Variants in RXRB observed in about 807,000 individuals in gnomAD.
RXRB encodes retinoic acid receptor RXR-beta.
RXRB carries 18 observed loss-of-function variants against 52.5 expected under a neutral mutation model. The observed-to-expected ratio is 0.34, with a 90% confidence interval of 0.24 to 0.51. The LOEUF (loss-of-function observed/expected upper bound fraction) is 0.51, where lower values mean the gene tolerates loss of function less well. Among genes scored for constraint, RXRB ranks in the 20% least tolerant of loss-of-function variants. The pLI, the probability that RXRB is intolerant of heterozygous loss-of-function variation, is 0.97. For missense variants in RXRB, 455 were observed against 698.2 expected, an observed-to-expected ratio of 0.65 and a Z score of 3.92; for synonymous variants, 233 against 267.1, an observed-to-expected ratio of 0.87 and a Z score of 1.25.
Position 33,193,734 on chromosome 6 carries a change from G to C in RXRB, c.*948C>G, listed in dbSNP as rs913614926. 1 of 152,234 alleles carries C rather than the reference G, an allele frequency of 6.6e-6. No homozygotes were observed. Among genetic ancestry groups the C allele is most frequent in the African/African-American group, 2.4e-5 (1 of 41,446 alleles). The allele number at this position is 152,234 out of a possible 1,614,324, so 9.4% of individuals were successfully genotyped here. On this transcript the variant is annotated 3_prime_UTR_variant, in exon 10 of 10. Coordinates refer to ENST00000374680, the MANE Select transcript of RXRB (RefSeq NM_021976.5). ...CCACCTCCCCTCAATTCTCAGGCCAGGATCCTGTGTCCCCAGCCTATGCTA... is the reference window on the plus strand; with the variant it reads ...CCACCTCCCCTCAATTCTCAGGCCACGATCCTGTGTCCCCAGCCTATGCTA...
rs1192636962 is a variant in RXRB, at chr6:33,197,645, A to C, written c.820+117T>G. 2 of 921,474 alleles carry C rather than the reference A, an allele frequency of 2.2e-6. No homozygotes were observed. Among genetic ancestry groups the C allele is most frequent in the East Asian group, 2.6e-5 (1 of 38,398 alleles). The allele number at this position is 921,474 out of a possible 1,614,324, so 57.1% of individuals were successfully genotyped here. On this transcript the variant is annotated intron_variant, in intron 4 of 9. Transcript: ENST00000374680. The surrounding 1 kb of genome is among the most constrained non-coding windows in gnomAD (Gnocchi z 4.4). ...AGAGCTGCGAAGGGAGAGAGAAATC[A>C]AATATCGCCCTCTAGAGGAGAGAGA...
At position 33,197,993 on chromosome 6, in the gene RXRB, C is replaced by A; in HGVS notation, c.641-52G>T. ...GAAGGTTGCATGGAGACACCTTCACCATTTAGTCTGTTTCCAATCTCCCCC... is the reference window on the plus strand; with the variant it reads ...GAAGGTTGCATGGAGACACCTTCACAATTTAGTCTGTTTCCAATCTCCCCC... On this transcript the variant is annotated intron_variant, in intron 3 of 9. Coordinates refer to ENST00000374680, the MANE Select transcript of RXRB (RefSeq NM_021976.5). The surrounding 1 kb of genome is among the most constrained non-coding windows in gnomAD (Gnocchi z 4.4). 1.3e-6 allele frequency: 2 copies of A among 1,559,900 alleles called. No individual in the cohort carries two copies. The highest frequency in any genetic ancestry group is 1.4e-5 in the African/African-American group (1 of 73,640).
rs1230140759 is a variant in RXRB at position 33,200,382 on chromosome 6, ACCCCACAATGCATTTCTTTTCGCAC to A, written c.70_94del (p.Val24SerfsTer148). 8 of 1,563,146 alleles carry A rather than the reference ACCCCACAATGCATTTCTTTTCGCAC, an allele frequency of 5.1e-6. No individual in the cohort carries two copies. Among genetic ancestry groups the A allele is most frequent in the Admixed American group, 1.9e-5 (1 of 53,142 alleles). On this transcript the variant is annotated frameshift_variant, in exon 1 of 10. Transcript: ENST00000374680. LOFTEE classifies it high-confidence loss of function. The surrounding 1 kb of genome is among the most constrained non-coding windows in gnomAD (Gnocchi z 6.3). ...CCGTCGCCGCCGCCACCGGGACGCG[ACCCCACAATGCATTTCTTTTCGCAC>A]CCCCACCGGCCCACACTGCCCTGCG...
rs1583414344 is a variant in RXRB, at chr6:33,197,699, G to A, written c.820+63C>T. On this transcript the variant is annotated intron_variant, in intron 4 of 9. Coordinates refer to ENST00000374680, the MANE Select transcript of RXRB (RefSeq NM_021976.5). This position sits in a 1 kb window ranked among gnomAD's most constrained non-coding sequence, Gnocchi z 4.4. ...GTCCACCCTTCCAGAGAGGTACACA[G>A]TCTGAGTGGGATAAGGGAGAAGGGC... 52 of 1,507,376 alleles carry A rather than the reference G, an allele frequency of 3.4e-5. 1 individual carries two copies. The South Asian group carries it at 5.7e-4, about 16-fold the overall frequency. The allele number at this position is 1,507,376 out of a possible 1,614,324, so 93.4% of individuals were successfully genotyped here. A position where few individuals can be genotyped will look rare whatever the true frequency, so the allele number is the denominator to read the frequency against.
rs1053819765 is a variant in RXRB at position 33,197,824 on chromosome 6, T to C, written c.758A>G (p.Gln253Arg). Reference protein sequence around the residue: ...DNKDCTVDKRQRNRCQYCRYQ... With the variant: ...DNKDCTVDKRRRNRCQYCRYQ... ...GCGGCAGTACTGACAGCGGTTCCGCTGGCGCTTGTCCACTGTGCAGTCTTT... is the reference window on the plus strand; with the variant it reads ...GCGGCAGTACTGACAGCGGTTCCGCCGGCGCTTGTCCACTGTGCAGTCTTT... Residue 253 changes from glutamine to arginine, a missense_variant, in exon 4 of 10, where the codon CAG becomes CGG. By Grantham distance (43) the Gln-to-Arg change is conservative. Coordinates refer to ENST00000374680, the MANE Select transcript of RXRB (RefSeq NM_021976.5). This position sits in a 1 kb window ranked among gnomAD's most constrained non-coding sequence, Gnocchi z 4.4. The C allele has an allele frequency of 6.2e-7, 1 of 1,613,860 alleles. No homozygotes were observed. The highest frequency in any genetic ancestry group is 8.5e-7 in the Non-Finnish European group (1 of 1,180,048).
In RXRB at chr6:33,194,968, C is replaced by G; in HGVS notation, c.1431G>C (p.Gln477His). ...ACCGTCCCTGCTGCTCAGGGTACTT[C>G]TGTTTGCAGTAGGTCTCCAGTGATG... ...VYASLETYCK[Q>H]KYPEQQGRFA... is the part of the protein sequence containing the mutation. The change falls in exon 9 of 10, where the codon CAG becomes CAC. Residue 477 changes from glutamine (Q) to histidine (H), a missense_variant. By Grantham distance (24) the Gln-to-His change is conservative. Coordinates refer to ENST00000374680, the MANE Select transcript of RXRB (RefSeq NM_021976.5). The surrounding 1 kb of genome is among the most constrained non-coding windows in gnomAD (Gnocchi z 4.1). 6.2e-7 allele frequency: 1 copy of G among 1,612,928 alleles called. No individual in the cohort carries two copies. Among genetic ancestry groups the G allele is most frequent in the Non-Finnish European group, 8.5e-7 (1 of 1,179,996 alleles).
Position 33,195,716 on chromosome 6 carries a change from C to G in RXRB, c.1124-14G>C, listed in dbSNP as rs1347606155. The G allele has an allele frequency of 6.2e-7, 1 of 1,610,404 alleles. No individual in the cohort carries two copies. The highest frequency in any genetic ancestry group is 1.7e-5 in the Admixed American group (1 of 59,890). On this transcript the variant is annotated splice_polypyrimidine_tract_variant and intron_variant, in intron 6 of 9. Transcript: ENST00000374680. The surrounding 1 kb of genome is among the most constrained non-coding windows in gnomAD (Gnocchi z 8.6). ...GTTCATTCCAGCCTGGGTGGGGCAG[C>G]AAGGGTCAGGAGCCAGAAATCAGGC...
Position 33,195,947 on chromosome 6 carries a change from G to A in RXRB, c.1083C>T (p.Ser361=). 6.2e-7 allele frequency: 1 copy of A among 1,613,020 alleles called. No homozygotes were observed. The highest frequency in any genetic ancestry group is 8.5e-7 in the Non-Finnish European group (1 of 1,180,038). ...TGACCTGATCATCCAGAGGCAAGGA[G>A]GAAAAGTGTGGGATCCTCTTCGCCC... is the stretch of plus-strand genomic sequence containing the variant. ...VEWAKRIPHF[S]SLPLDDQVIL... is the part of the protein sequence containing the mutation. The change falls in exon 6 of 10, where the codon TCC becomes TCT. Residue 361 remains serine, a synonymous_variant. Transcript: ENST00000374680. The surrounding 1 kb of genome is among the most constrained non-coding windows in gnomAD (Gnocchi z 8.6).
Position 33,198,933 on chromosome 6 carries a change from A to AAC in RXRB, c.483+234_483+235dup, listed in dbSNP as rs869061993. Among the ~76,000 whole-genome samples, 401 of 128,268 alleles carry AAC rather than the reference A, an allele frequency of 3.1e-3. 4 individuals carry two copies. The highest frequency in any genetic ancestry group is 6.2e-3 in the African/African-American group (200 of 32,022). 84.1% of individuals were successfully genotyped at this position (128,268 alleles called of 152,430 possible). A position where few individuals can be genotyped will look rare whatever the true frequency, so the allele number is the denominator to read the frequency against. ...CATCTCAAAAAAAAAAAAAAAAAAA[A>AAC]ACACACACACACACACAAAAACAAA... On this transcript the variant is annotated intron_variant, in intron 2 of 9. Transcript: ENST00000374680.
At chr6:33,198,254 G>A in intron 3 of RXRB, 54 bp downstream of exon 3, 1 of 1,610,582 alleles carries the variant, frequency 6.2e-7, no homozygotes, top group Non-Finnish European at 8.5e-7. Flanking sequence ...AATCCCACAG[G>A]TGATGATACA....
intron 2 of RXRB, 30 bp downstream of exon 2, chr6:33,199,139 C>T: frequency 7.8e-7 from 1 of 1,287,968 alleles, no homozygotes; most frequent in Admixed American, 3.5e-5. Context: ...ATGAAAGTGG[C>T]CAGGCAGTAA....
chr6:33,195,277 G>T lies in RXRB; in HGVS notation c.1348+86C>A. The T allele has an allele frequency of 1.1e-6, 1 of 911,860 alleles. No individual in the cohort carries two copies. The highest frequency in any genetic ancestry group is 1.8e-6 in the Non-Finnish European group (1 of 546,522). 56.5% of individuals were successfully genotyped at this position (911,860 alleles called of 1,614,324 possible). ...CCAGGTTGAGGGTCTTACTGAGGGG[G>T]ATAGCTGGGTAACTTAGGAGTCTCG... On this transcript the variant is annotated intron_variant, in intron 8 of 9. Coordinates refer to ENST00000374680, the MANE Select transcript of RXRB (RefSeq NM_021976.5). The surrounding 1 kb of genome is among the most constrained non-coding windows in gnomAD (Gnocchi z 8.6).
rs756776201 is a variant in RXRB, at chr6:33,194,967, T to G, written c.1432A>C (p.Lys478Gln). Residue 478 changes from lysine (K) to glutamine (Q), a missense_variant, in exon 9 of 10, where the codon AAG (lysine) becomes CAG (glutamine). Around this residue, in one of 4 missense-constraint regions of RXRB, gnomAD observed 115 missense variants for 253.1 expected, o/e 0.45. Coordinates refer to ENST00000374680, the MANE Select transcript of RXRB (RefSeq NM_021976.5). The surrounding 1 kb of genome is among the most constrained non-coding windows in gnomAD (Gnocchi z 4.1). ...YASLETYCKQ[K>Q]YPEQQGRFAK... Reference sequence around the variant, plus strand: ...CACCGTCCCTGCTGCTCAGGGTACTTCTGTTTGCAGTAGGTCTCCAGTGAT... The same window carrying G: ...CACCGTCCCTGCTGCTCAGGGTACTGCTGTTTGCAGTAGGTCTCCAGTGAT... 37 of 1,612,730 alleles carry G rather than the reference T, an allele frequency of 2.3e-5. No homozygotes were observed. The highest frequency in any genetic ancestry group is 3.1e-5 in the Non-Finnish European group (37 of 1,179,964).
At position 33,194,554 on chromosome 6, in the gene RXRB, G is replaced by T; in HGVS notation, c.*128C>A. 2.1e-6 allele frequency: 2 copies of T among 960,976 alleles called. No individual in the cohort carries two copies. Among genetic ancestry groups the T allele is most frequent in the Non-Finnish European group, 3.0e-6 (2 of 664,476 alleles). The allele number at this position is 960,976 out of a possible 1,614,324, so 59.5% of individuals were successfully genotyped here. A position where few individuals can be genotyped will look rare whatever the true frequency, so the allele number is the denominator to read the frequency against. ...GATCCCTTGGAGGGTTTATGTTCTTGGTTCTGCCCTGTACTTCTCACCCCA... is the reference window on the plus strand; with the variant it reads ...GATCCCTTGGAGGGTTTATGTTCTTTGTTCTGCCCTGTACTTCTCACCCCA... On this transcript the variant is annotated 3_prime_UTR_variant, in exon 10 of 10. Coordinates refer to ENST00000374680, the MANE Select transcript of RXRB (RefSeq NM_021976.5). The surrounding 1 kb of genome is among the most constrained non-coding windows in gnomAD (Gnocchi z 4.1).
In RXRB at chr6:33,200,059, G is replaced by A. The variant is rs1156332970; in HGVS notation, c.235+183C>T. On this transcript the variant is annotated intron_variant, in intron 1 of 9. Coordinates refer to ENST00000374680, the MANE Select transcript of RXRB (RefSeq NM_021976.5). The surrounding 1 kb of genome is among the most constrained non-coding windows in gnomAD (Gnocchi z 6.3). The stretch of plus-strand genomic sequence containing the variant: ...CTCAAGCGGTCACAGCTAGGAGGGC[G>A]GAAGCTCCCCTTCCCCGCCCCGCCC... 1.1e-6 allele frequency: 1 copy of A among 926,546 alleles called. No individual in the cohort carries two copies. Among genetic ancestry groups the A allele is most frequent in the South Asian group, 1.3e-5 (1 of 77,000 alleles). The allele number at this position is 926,546 out of a possible 1,614,324, so 57.4% of individuals were successfully genotyped here.
intron 3 of RXRB, 92 bp downstream of exon 3, chr6:33,198,216 G>A (rs1394803317): frequency 8.3e-6 from 13 of 1,568,404 alleles, no homozygotes; most frequent in Non-Finnish European, 4.4e-6. Context: ...CAGGTCACTT[G>A]CTCTGACCAA....
Position 33,199,180 on chromosome 6 carries a change from T to A in RXRB, c.472A>T (p.Ser158Cys), listed in dbSNP as rs760342051. Residue 158 changes from serine to cysteine, a missense_variant, in exon 2 of 10, where the codon AGC becomes TGC. This residue lies in a region of RXRB where 225 missense variants were observed against 258.6 expected (regional missense o/e 0.87). Coordinates refer to ENST00000374680, the MANE Select transcript of RXRB (RefSeq NM_021976.5). ...PAPPGFSGPV[S>C]SPQINSTVSL... The stretch of plus-strand genomic sequence containing the variant: ...TCACAACCTCTCACCTGGGGGCTGC[T>A]GACAGGCCCGGAGAATCCTGGGGGA... 1 of 1,297,034 alleles carries A rather than the reference T, an allele frequency of 7.7e-7. No individual in the cohort carries two copies. The highest frequency in any genetic ancestry group is 3.5e-5 in the South Asian group (1 of 28,360). 80.3% of individuals were successfully genotyped at this position (1,297,034 alleles called of 1,614,324 possible).
In RXRB at chr6:33,194,835, G is replaced by A. The variant is rs1407289865; in HGVS notation, c.1455-6C>T. ...GTAGCAGCAGCTTGGCAAACCTGGGGTGGAGGTGGGAGAAGGGGATTGAGA... is the reference window on the plus strand; with the variant it reads ...GTAGCAGCAGCTTGGCAAACCTGGGATGGAGGTGGGAGAAGGGGATTGAGA... On this transcript the variant is annotated splice_region_variant and splice_polypyrimidine_tract_variant and intron_variant, in intron 9 of 9. Coordinates refer to ENST00000374680, the MANE Select transcript of RXRB (RefSeq NM_021976.5). This position sits in a 1 kb window ranked among gnomAD's most constrained non-coding sequence, Gnocchi z 4.1. The A allele has an allele frequency of 9.9e-6, 16 of 1,612,694 alleles. No individual in the cohort carries two copies. The South Asian group carries it at 1.1e-4, about 11-fold the overall frequency.
Position 33,196,749 on chromosome 6 carries a change from G to T in RXRB, c.821-143C>A. 1 of 733,362 alleles carries T rather than the reference G, an allele frequency of 1.4e-6. No homozygotes were observed. The highest frequency in any genetic ancestry group is 2.2e-6 in the Non-Finnish European group (1 of 459,414). 45.4% of individuals were successfully genotyped at this position (733,362 alleles called of 1,614,324 possible). Reference sequence around the variant, plus strand: ...ATTGGGGAAGTCACTAGAAAGGGTGGACTGGGGGCAGCCCTGAAGGAAGGG... The same window carrying T: ...ATTGGGGAAGTCACTAGAAAGGGTGTACTGGGGGCAGCCCTGAAGGAAGGG... On this transcript the variant is annotated intron_variant, in intron 4 of 9. Coordinates refer to ENST00000374680, the MANE Select transcript of RXRB (RefSeq NM_021976.5). The surrounding 1 kb of genome is among the most constrained non-coding windows in gnomAD (Gnocchi z 4.0).
Sources: gnomAD v4.1 joint callset for allele counts (sites outside exome capture counted in the v4.1 genomes callset) on GRCh38, gnomAD v4.1.1 for gene constraint, gnomAD v4.1.1 regional missense constraint, Gnocchi (gnomAD v3.1) non-coding constraint, MANE v1.5 for transcripts, NCBI Gene and HGNC (gene_info 2026-07-23, HGNC 2026-07-21) for gene names.